The following MYO5C variants were observed in gnomAD, a reference collection of about 807,000 sequenced individuals.
MYO5C encodes the protein myosin VC.
A neutral mutation model predicts 235.7 loss-of-function variants in MYO5C; 194 were observed. The observed-to-expected ratio is 0.82, with a 90% CI of 0.73 to 0.93. MYO5C has a LOEUF of 0.93. Ranked by LOEUF, MYO5C falls within the 40% of genes least tolerant of loss-of-function variation. The pLI, the probability that MYO5C is intolerant of heterozygous loss-of-function variation, is 0.00. For missense variants in MYO5C, 2,038 were observed against 2,127.2 expected (o/e 0.96, Z 0.82); for synonymous variants, 707 against 754.8 (o/e 0.94, Z 1.04).
chr15:52,196,912 T>C (rs1354826316), intron 38 of MYO5C, among the ~76,000 whole-genome samples: 1 of 152,238 alleles, frequency 6.6e-6, no homozygotes, highest in African/African-American at 2.4e-5. Context: ...CTGTCACTAA[T>C]TGCCACATGG....
rs534883985 is a variant in MYO5C, at chr15:52,248,851, ATC to A, written c.1663-70_1663-69del. The A allele has an allele frequency of 2.1e-4, 228 of 1,077,090 alleles. No homozygotes were observed. In the African/African-American group the frequency reaches 3.3e-3, roughly 16 times the overall value. The allele number at this position is 1,077,090 out of a possible 1,614,324, so 66.7% of individuals were successfully genotyped here. On this transcript the variant is annotated intron_variant, in intron 13 of 40. Transcript: ENST00000261839. ...AATATAGCCTCTAAGCACAAGTTTC[ATC>A]TCTTTTTTAAGAAAGATTAATAAAA...
chr15:52,222,465 G>A (rs972035096), intron 29 of MYO5C, among the ~76,000 whole-genome samples: 7 of 152,188 alleles, frequency 4.6e-5, no homozygotes, highest in African/African-American at 7.2e-5. Context: ...AATGCTGGGA[G>A]AGCGGGGCGT....
At chr15:52,262,562 T>G (rs994236165) in intron 9 of MYO5C, among the ~76,000 whole-genome samples, 2 of 152,182 alleles carry the variant, frequency 1.3e-5, no homozygotes, top group African/African-American at 4.8e-5. Context: ...TCTCCCTGCT[T>G]TCCCACTTGG....
intron 29 of MYO5C, among the ~76,000 whole-genome samples, chr15:52,223,211 C>G (rs1008397539): frequency 1.3e-5 from 2 of 151,344 alleles, no homozygotes; most frequent in Non-Finnish European, 2.9e-5. Context: ...TGACACACTC[C>G]TGTCTCAAGA....
intron 10 of MYO5C, chr15:52,256,942 C>G (rs988635404): frequency 3.8e-5 from 18 of 468,398 alleles, no homozygotes; most frequent in African/African-American, 3.5e-4. Context: ...TATAAAACAC[C>G]TACCTCAAGC....
At chr15:52,283,516 T>C (rs957286229) in intron 1 of MYO5C, among the ~76,000 whole-genome samples, 10 of 152,014 alleles carry the variant, frequency 6.6e-5, no homozygotes, top group African/African-American at 2.4e-4. Flanking sequence ...TCAGCGCCGA[T>C]GTACAAGTCT....
intron 24 of MYO5C, among the ~76,000 whole-genome samples, chr15:52,229,658 A>T (rs1339293256): frequency 3.3e-5 from 5 of 152,306 alleles, no homozygotes; most frequent in African/African-American, 1.2e-4. Flanking sequence ...ATAATTTAGA[A>T]TTGTCTCTAC....
At chr15:52,222,385 C>T (rs1596155214) in intron 29 of MYO5C, among the ~76,000 whole-genome samples, 2 of 152,284 alleles carry the variant, frequency 1.3e-5, no homozygotes, top group East Asian at 3.9e-4. Context: ...GATTTCCTAA[C>T]ACTCTCAGTT....
chr15:52,271,605 C>T (rs1233114793), intron 7 of MYO5C, among the ~76,000 whole-genome samples, 158 bp downstream of exon 7: 1 of 151,988 alleles, frequency 6.6e-6, no homozygotes, highest in Non-Finnish European at 1.5e-5. Flanking sequence ...CCTAATCCAT[C>T]CCCTTAATTA....
At chr15:52,291,437 C>T (rs997371299) in intron 1 of MYO5C, among the ~76,000 whole-genome samples, 2 of 152,176 alleles carry the variant, frequency 1.3e-5, no homozygotes, top group African/African-American at 4.8e-5. Context: ...CCACTGTGGC[C>T]TCAGGCCCTC....
chr15:52,269,928 G>T, intron 7 of MYO5C, 68 bp from the exon 8 acceptor site: 2 of 1,075,478 alleles, frequency 1.9e-6, no homozygotes, highest in Non-Finnish European at 2.9e-6. Context: ...TTTATCAGAA[G>T]AAGGGAAGTT....
intron 8 of MYO5C, 59 bp downstream of exon 8, chr15:52,269,694 A>AT (rs753094135): frequency 0.09 from 88,885 of 984,174 alleles, 52 homozygotes; most frequent in Non-Finnish European, 0.097. Flanking sequence ...CCTGGCCTTA[A>AT]TTTTTTTTTT....
chr15:52,198,656 ACTGCAAC>A lies in MYO5C; in HGVS notation c.4821-2180_4821-2174del, dbSNP rs571716420. Among the ~76,000 whole-genome samples the A allele has an allele frequency of 8.6e-5, 13 of 152,014 alleles. No individual in the cohort carries two copies. In the East Asian group the frequency reaches 2.5e-3, roughly 30 times the overall value. The stretch of plus-strand genomic sequence containing the variant: ...GAGAGTAGTGGTGCGATCTCAGCTC[ACTGCAAC>A]CTCCATGTCCTGGGTTCAAGAGATT... On this transcript the variant is annotated intron_variant, in intron 38 of 40. Coordinates refer to ENST00000261839, the MANE Select transcript of MYO5C (RefSeq NM_018728.4).
At position 52,244,460 on chromosome 15, in the gene MYO5C, C is replaced by A. The variant is rs1365111845; in HGVS notation, c.2286G>T (p.Met762Ile). Residue 762 changes from methionine to isoleucine, a missense_variant, in exon 19 of 41, where the codon ATG (methionine) becomes ATT (isoleucine). Physicochemically the swap from Met to Ile is conservative, Grantham distance 10. Coordinates refer to ENST00000261839, the MANE Select transcript of MYO5C (RefSeq NM_018728.4). ...GCCAGCCACGCATGTGCTTTTGTAC[C>A]ATAACACAACTCTGCCTCAGTTTAT... ...RLDKLRQSCV[M>I]VQKHMRGWLQ... 4 of 1,614,148 alleles carry A rather than the reference C, an allele frequency of 2.5e-6. No individual in the cohort carries two copies. The highest frequency in any genetic ancestry group is 2.5e-6 in the Non-Finnish European group (3 of 1,180,024).
intron 5 of MYO5C, 63 bp from the exon 6 acceptor site, chr15:52,272,786 G>A: frequency 6.4e-7 from 1 of 1,562,566 alleles, no homozygotes; most frequent in Non-Finnish European, 8.8e-7. Flanking sequence ...AAAATTATTG[G>A]AGGGGTTTTT....
Position 52,208,507 on chromosome 15 carries a change from T to C in MYO5C, c.4386+47A>G, listed in dbSNP as rs187234178. The stretch of plus-strand genomic sequence containing the variant: ...TGAGCTCTGGCTCAGGAGGAGGTTA[T>C]AGACTGGCTGTCAGCACAAAACAAC... On this transcript the variant is annotated intron_variant, in intron 36 of 40. Transcript: ENST00000261839. 4,178 of 1,570,550 alleles carry C rather than the reference T, an allele frequency of 2.7e-3. 9 individuals carry two copies. Among genetic ancestry groups the C allele is most frequent in the Non-Finnish European group, 3.0e-3 (3,441 of 1,141,322 alleles).
chr15:52,208,558 TCTC>T lies in MYO5C; in HGVS notation c.4379_4381del (p.Gly1460del), dbSNP rs1566962247. The T allele has an allele frequency of 6.2e-7, 1 of 1,613,750 alleles. No individual in the cohort carries two copies. Among genetic ancestry groups the T allele is most frequent in the East Asian group, 2.2e-5 (1 of 44,866 alleles). ...AAGCAGGTGGGCGCCCCCTACCTCT[TCTC>T]CGCTGTACTGCTTCAGGCAATTGAG... On this transcript the variant is annotated inframe_deletion, in exon 36 of 41. Transcript: ENST00000261839.
intron 38 of MYO5C, among the ~76,000 whole-genome samples, chr15:52,196,967 G>A (rs1267636739): frequency 1.3e-5 from 2 of 152,180 alleles, no homozygotes; most frequent in African/African-American, 4.8e-5. Context: ...CCAATCCACT[G>A]TGTGAGCCTG....
At position 52,242,180 on chromosome 15, in the gene MYO5C, A is replaced by C. The variant is rs1332492921; in HGVS notation, c.2424T>G (p.Ala808=). Reference sequence around the variant, plus strand: ...GCTTCTGAATGATTATGGCTGCCCAAGCTTCTTTTAAGGCCACTGCAGTAA... The same window carrying C: ...GCTTCTGAATGATTATGGCTGCCCACGCTTCTTTTAAGGCCACTGCAGTAA... ...KAITAVALKE[A]WAAIIIQKHC... Residue 808 remains alanine, a synonymous_variant, in exon 20 of 41, where the codon GCT becomes GCG. Transcript: ENST00000261839. The C allele has an allele frequency of 1.2e-6, 2 of 1,613,846 alleles. No homozygotes were observed. The highest frequency in any genetic ancestry group is 1.7e-6 in the Non-Finnish European group (2 of 1,179,888).
Sources: allele counts gnomAD v4.1 joint callset (sites outside exome capture counted in the v4.1 genomes callset), GRCh38; gene constraint gnomAD v4.1.1; transcripts MANE v1.5; gene names NCBI Gene and HGNC (gene_info 2026-07-23, HGNC 2026-07-21).